The following VAV2 variants were observed in gnomAD, a reference collection of about 807,000 sequenced individuals.
The protein encoded by VAV2 is guanine nucleotide exchange factor VAV2.
VAV2 carries 67 observed loss-of-function variants against 132.5 expected under a neutral mutation model. That is an observed-to-expected ratio of 0.51 (90% CI 0.42 to 0.62). VAV2 has a LOEUF of 0.62. Ranked by LOEUF, VAV2 falls within the 20% of genes least tolerant of loss-of-function variation. VAV2 has a pLI of 0.00. For synonymous variants in VAV2, 492 were observed against 443.5 expected, an observed-to-expected ratio of 1.11 and a Z score of -1.37; for missense variants, 938 against 1,153.6, an observed-to-expected ratio of 0.81 and a Z score of 2.71.
chr9:133,796,355 C>G (rs1834712160), intron 11 of VAV2, 74 bp downstream of exon 11: 2 of 1,322,362 alleles, frequency 1.5e-6, no homozygotes, highest in Non-Finnish European at 2.1e-6. Context: ...CAACCTATAC[C>G]CCCTGGAAGC....
At chr9:133,868,357 G>T (rs114730036) in intron 2 of VAV2, among the ~76,000 whole-genome samples, 2 of 152,216 alleles carry the variant, frequency 1.3e-5, no homozygotes, top group African/African-American at 4.8e-5. Flanking sequence ...GATGCTCTGC[G>T]AATGGGGAAG....
At chr9:133,882,687 A>T (rs1838546569) in intron 2 of VAV2, among the ~76,000 whole-genome samples, 1 of 152,140 alleles carries the variant, frequency 6.6e-6, no homozygotes, top group Non-Finnish European at 1.5e-5. Flanking sequence ...GTTTTGCGGC[A>T]CCAGGTCCGT....
At position 133,824,928 on chromosome 9, in the gene VAV2, C is replaced by A. The variant is rs1156417587; in HGVS notation, c.449+9344G>T. On this transcript the variant is annotated intron_variant, in intron 4 of 29. Coordinates refer to ENST00000371850, the MANE Select transcript of VAV2 (RefSeq NM_001134398.2). The surrounding 1 kb of genome is among the most constrained non-coding windows in gnomAD (Gnocchi z 5.2). ...GGAGATGCAACTGGAAGCGTCTTGACAGAGGGACCCTCCGGGGACGCTGGC... is the reference window on the plus strand; with the variant it reads ...GGAGATGCAACTGGAAGCGTCTTGAAAGAGGGACCCTCCGGGGACGCTGGC... Among the ~76,000 whole-genome samples the A allele has an allele frequency of 1.3e-5, 2 of 152,100 alleles. No individual in the cohort carries two copies. The highest frequency in any genetic ancestry group is 1.3e-4 in the Admixed American group (2 of 15,286).
In VAV2 at chr9:133,809,156, G is replaced by A. The variant is rs1482633904; in HGVS notation, c.568-18C>T. The A allele has an allele frequency of 1.9e-6, 3 of 1,611,160 alleles. No individual in the cohort carries two copies. The highest frequency in any genetic ancestry group is 2.2e-5 in the East Asian group (1 of 44,840). ...CCCATTTTCTAGAGGAGGGAAGGGG[G>A]AGTCAGCAGGACCCCATGGGCCCGG... On this transcript the variant is annotated intron_variant, in intron 6 of 29. Transcript: ENST00000371850.
At chr9:133,771,068 T>C (rs1189859592) in intron 26 of VAV2, among the ~76,000 whole-genome samples, 7 of 148,272 alleles carry the variant, frequency 4.7e-5, no homozygotes, top group African/African-American at 7.5e-5. Flanking sequence ...TTTTCTTTTT[T>C]TTTTTTTTTT....
chr9:133,905,858 G>A (rs564296507), intron 2 of VAV2, among the ~76,000 whole-genome samples: 48 of 133,888 alleles, frequency 3.6e-4, no homozygotes, highest in Middle Eastern at 3.5e-3. Flanking sequence ...GTAACGTGGC[G>A]AAACCCCATC....
chr9:133,775,957 G>C, intron 24 of VAV2, 71 bp downstream of exon 24: 1 of 1,533,874 alleles, frequency 6.5e-7, no homozygotes, highest in South Asian at 1.2e-5. Flanking sequence ...GCACCACCCA[G>C]ACCCGGCGGG....
rs140501743 is a variant in VAV2 at position 133,792,243 on chromosome 9, G to A, written c.1102-374C>T. On this transcript the variant is annotated intron_variant, in intron 12 of 29. Coordinates refer to ENST00000371850, the MANE Select transcript of VAV2 (RefSeq NM_001134398.2). Reference sequence around the variant, plus strand: ...TGTGCTGGTTGGGGTGTGTGTGACTGTGTGTATAAGCGGGCTGTACTGGGT... The same window carrying A: ...TGTGCTGGTTGGGGTGTGTGTGACTATGTGTATAAGCGGGCTGTACTGGGT... 2.2e-4 allele frequency among the ~76,000 whole-genome samples: 33 copies of A among 147,712 alleles called. No individual in the cohort carries two copies. In the East Asian group the frequency reaches 6.4e-3, roughly 29 times the overall value.
intron 5 of VAV2, 76 bp from the exon 6 acceptor site, chr9:133,810,281 A>G: frequency 1.9e-6 from 3 of 1,600,224 alleles, no homozygotes; most frequent in Non-Finnish European, 2.6e-6. Flanking sequence ...TGGGCCTGGG[A>G]CATCAGGAAC....
At chr9:133,767,820 G>A (rs986878315) in intron 29 of VAV2, among the ~76,000 whole-genome samples, 1 of 152,212 alleles carries the variant, frequency 6.6e-6, no homozygotes, top group African/African-American at 2.4e-5. Context: ...GGTGGCACAG[G>A]GAGCTCTGGT....
intron 2 of VAV2, among the ~76,000 whole-genome samples, chr9:133,871,304 G>A (rs1838029185): frequency 6.6e-6 from 1 of 151,040 alleles, no homozygotes; most frequent in Non-Finnish European, 1.5e-5. Context: ...AAGTGGGTGG[G>A]TGGATGGATG....
At chr9:133,795,783 G>A (rs775088159) in intron 11 of VAV2, 47 bp from the exon 12 acceptor site, 3 of 1,598,728 alleles carry the variant, frequency 1.9e-6, no homozygotes, top group African/African-American at 1.3e-5. Flanking sequence ...GGGGGTTCTG[G>A]CCTCTGCCCT....
At chr9:133,966,290 A>T (rs1004645420) in intron 1 of VAV2, among the ~76,000 whole-genome samples, 2 of 152,260 alleles carry the variant, frequency 1.3e-5, no homozygotes, top group Non-Finnish European at 2.9e-5. Flanking sequence ...ATGGGATTAC[A>T]TCAAGCTAAA....
In VAV2 at chr9:133,918,505, GC is replaced by G. The variant is rs1489222705; in HGVS notation, c.321+20597del. The stretch of plus-strand genomic sequence containing the variant: ...GTAAGAGTCAGCCTGGAATCTCTGA[GC>G]CCCAACTAGTGCCAGGACAGTGCCA... On this transcript the variant is annotated intron_variant, in intron 2 of 29. Coordinates refer to ENST00000371850, the MANE Select transcript of VAV2 (RefSeq NM_001134398.2). The surrounding 1 kb of genome is among the most constrained non-coding windows in gnomAD (Gnocchi z 4.7). Among the ~76,000 whole-genome samples the G allele has an allele frequency of 1.3e-5, 2 of 152,026 alleles. No homozygotes were observed. The highest frequency in any genetic ancestry group is 4.8e-5 in the African/African-American group (2 of 41,366).
chr9:133,845,080 C>T (rs992695853), intron 3 of VAV2, among the ~76,000 whole-genome samples: 25 of 152,260 alleles, frequency 1.6e-4, no homozygotes, highest in African/African-American at 4.6e-4. Flanking sequence ...AGCACACAAA[C>T]GGCTTCCTGA....
chr9:133,951,663 T>C (rs1164785550), intron 1 of VAV2, among the ~76,000 whole-genome samples: 2 of 152,064 alleles, frequency 1.3e-5, no homozygotes. Context: ...GTGGCAGTCA[T>C]ACCCACAGCA....
rs183909766 is a variant in VAV2, at chr9:133,827,216, G to A, written c.449+7056C>T. 5.2e-3 allele frequency among the ~76,000 whole-genome samples: 597 copies of A among 114,056 alleles called. 14 individuals carry two copies. Among genetic ancestry groups the A allele is most frequent in the Middle Eastern group, 0.019 (4 of 210 alleles). The allele number at this position is 114,056 out of a possible 152,430, so 74.8% of individuals were successfully genotyped here. ...TGACCACTGAGCATGGGCATCGCCA[G>A]CTACTGCTGTGCCCACTGGGGCTGA... On this transcript the variant is annotated intron_variant, in intron 4 of 29. Coordinates refer to ENST00000371850, the MANE Select transcript of VAV2 (RefSeq NM_001134398.2).
At chr9:133,931,105 C>T (rs1339882176) in intron 2 of VAV2, among the ~76,000 whole-genome samples, 1 of 152,194 alleles carries the variant, frequency 6.6e-6, no homozygotes, top group East Asian at 1.9e-4. Context: ...TGGGGCCAGG[C>T]AGGGTGGCCT....
chr9:133,810,968 C>A (rs544786567), intron 5 of VAV2, among the ~76,000 whole-genome samples: 1 of 152,218 alleles, frequency 6.6e-6, no homozygotes, highest in Non-Finnish European at 1.5e-5. Flanking sequence ...CAAGTCCAGA[C>A]GGCTCGCCGG....
Sources: gnomAD v4.1 joint callset for allele counts (sites outside exome capture counted in the v4.1 genomes callset) on GRCh38, gnomAD v4.1.1 for gene constraint, Gnocchi (gnomAD v3.1) non-coding constraint, MANE v1.5 for transcripts, NCBI Gene and HGNC (gene_info 2026-07-23, HGNC 2026-07-21) for gene names.